The following MYO16 variants were observed in gnomAD, a reference collection of about 807,000 sequenced individuals.
MYO16 encodes the protein myosin XVI, also known as unconventional myosin-XVI.
Under a neutral mutation model 205.3 loss-of-function variants are expected in MYO16, and 94 were observed. The ratio of observed to expected loss-of-function variants is 0.46; its 90% CI spans 0.39 to 0.54. MYO16 has a LOEUF of 0.54. MYO16 is among the 20% of genes least tolerant of loss of function. The pLI is 0.00. For missense variants in MYO16, 2,315 were observed against 2,387.5 expected, an observed-to-expected ratio of 0.97 and a Z score of 0.63; for synonymous variants, 988 against 954.0, an observed-to-expected ratio of 1.04 and a Z score of -0.66.
chr13:108,835,162 T>C (rs1479280419), intron 9 of MYO16, among the ~76,000 whole-genome samples: 1 of 152,200 alleles, frequency 6.6e-6, no homozygotes, highest in African/African-American at 2.4e-5. Context: ...TCTTGAATTA[T>C]AGTTCCCATA....
At chr13:108,911,477 G>A (rs932545683) in intron 16 of MYO16, among the ~76,000 whole-genome samples, 1 of 152,158 alleles carries the variant, frequency 6.6e-6, no homozygotes, top group Non-Finnish European at 1.5e-5. Context: ...AAGGGAGATG[G>A]AAGTGTACAA....
chr13:108,629,818 A>G lies in MYO16; in HGVS notation c.-27A>G, dbSNP rs572842394. 218 of 1,525,954 alleles carry G rather than the reference A, an allele frequency of 1.4e-4. No individual in the cohort carries two copies. Among genetic ancestry groups the G allele is most frequent in the Non-Finnish European group, 1.8e-4 (207 of 1,138,864 alleles). The allele number at this position is 1,525,954 out of a possible 1,614,324, so 94.5% of individuals were successfully genotyped here. A position where few individuals can be genotyped will look rare whatever the true frequency, so the allele number is the denominator to read the frequency against. ...GACAGAAGAGAATGCTGGAACCCGT[A>G]GCAAGATTCCTGTCTGAGATGGAAA... On this transcript the variant is annotated 5_prime_UTR_variant, in exon 1 of 35. Transcript: ENST00000457511.
intron 16 of MYO16, among the ~76,000 whole-genome samples, chr13:108,924,919 A>T (rs1009821305): frequency 6.6e-6 from 1 of 152,194 alleles, no homozygotes; most frequent in Non-Finnish European, 1.5e-5. Context: ...TGAATGTGTC[A>T]TCTCTTCTTA....
At chr13:108,627,284 A>C (rs539951681), upstream of MYO16, among the ~76,000 whole-genome samples, 23 of 152,296 alleles carry the variant, frequency 1.5e-4, no homozygotes, top group African/African-American at 5.5e-4. Flanking sequence ...GGGCTTCTTA[A>C]TCTGGGGAAA....
At chr13:108,847,764 A>T (rs1021239131) in intron 10 of MYO16, among the ~76,000 whole-genome samples, 1 of 152,020 alleles carries the variant, frequency 6.6e-6, no homozygotes, top group African/African-American at 2.4e-5. Flanking sequence ...TCTTAAATTG[A>T]TTATAATGTG....
At chr13:108,544,504 A>T in the MYO16 span, among the ~76,000 whole-genome samples, 2 of 152,202 alleles carry the variant, frequency 1.3e-5, no homozygotes, top group African/African-American at 4.8e-5. Context: ...CATCCCTTCA[A>T]GCATTTGTCC....
At chr13:108,594,120 T>G (rs1307529898), upstream of MYO16, among the ~76,000 whole-genome samples, 1 of 152,224 alleles carries the variant, frequency 6.6e-6, no homozygotes, top group East Asian at 1.9e-4. Context: ...GTGATGCTGC[T>G]TCTTGACCAA....
chr13:109,031,239 C>G (rs1886539479), intron 23 of MYO16, among the ~76,000 whole-genome samples: 1 of 151,990 alleles, frequency 6.6e-6, no homozygotes, highest in South Asian at 2.1e-4. Flanking sequence ...CCACAGGCGC[C>G]CACCACCACA....
chr13:108,981,594 G>T (rs955653292), intron 20 of MYO16, among the ~76,000 whole-genome samples: 1 of 152,244 alleles, frequency 6.6e-6, no homozygotes, highest in African/African-American at 2.4e-5. Flanking sequence ...AGGCTGGCCT[G>T]CTGGAAGATG....
At chr13:109,007,893 G>T (rs1177351659) in intron 21 of MYO16, among the ~76,000 whole-genome samples, 1 of 152,142 alleles carries the variant, frequency 6.6e-6, no homozygotes, top group Admixed American at 6.5e-5. Flanking sequence ...TCACTAATAC[G>T]CAATCAGAAA....
In MYO16 at chr13:108,969,846, A is replaced by G. The variant is rs140750753; in HGVS notation, c.2369+4944A>G. Among the ~76,000 whole-genome samples the G allele has an allele frequency of 1.1e-3, 167 of 152,312 alleles. 1 individual carries two copies. The highest frequency in any genetic ancestry group is 3.0e-3 in the Admixed American group (46 of 15,304). On this transcript the variant is annotated intron_variant, in intron 20 of 34. Coordinates refer to ENST00000457511, the MANE Select transcript of MYO16 (RefSeq NM_001198950.3). ...ACCCAGGGTTTCACCACTGTGATTT[A>G]GAGCATCATCTTAAGAACACACCTT...
intron 6 of MYO16, among the ~76,000 whole-genome samples, chr13:108,802,900 G>A (rs555727634): frequency 1.3e-5 from 2 of 152,164 alleles, no homozygotes; most frequent in African/African-American, 4.8e-5. Flanking sequence ...AAGTCCTTTG[G>A]CCATTTTTAA....
chr13:108,946,871 A>G (rs1882960900), intron 16 of MYO16, among the ~76,000 whole-genome samples: 1 of 152,132 alleles, frequency 6.6e-6, no homozygotes, highest in Admixed American at 6.5e-5. Flanking sequence ...CCTCCCAAAT[A>G]GCAGGGACTA....
At chr13:108,543,265 T>C in the MYO16 span, among the ~76,000 whole-genome samples, 277 of 152,350 alleles carry the variant, frequency 1.8e-3, 2 homozygotes, top group Admixed American at 1.8e-3. Context: ...TTACTATGAT[T>C]GTAAAATGCA....
chr13:109,149,024 A>AT (rs1566533794), intron 32 of MYO16, among the ~76,000 whole-genome samples: 2 of 152,310 alleles, frequency 1.3e-5, no homozygotes, highest in East Asian at 3.9e-4. Context: ...CTTGCATGGA[A>AT]TCAGAGCCTG....
At chr13:108,545,692 A>T in the MYO16 span, among the ~76,000 whole-genome samples, 7 of 152,186 alleles carry the variant, frequency 4.6e-5, no homozygotes, top group African/African-American at 1.7e-4. Context: ...AATAATAACC[A>T]TTCCGGCTGG....
chr13:109,106,424 C>T (rs1279466674), intron 28 of MYO16, among the ~76,000 whole-genome samples: 1 of 152,158 alleles, frequency 6.6e-6, no homozygotes, highest in African/African-American at 2.4e-5. Context: ...TTCTCCAAGC[C>T]ACAGAAGAGT....
chr13:109,080,695 T>A (rs1375778266), intron 27 of MYO16, among the ~76,000 whole-genome samples: 1 of 152,136 alleles, frequency 6.6e-6, no homozygotes, highest in Admixed American at 6.6e-5. Flanking sequence ...ACCAGTGCTT[T>A]AACCCGGAGA....
the MYO16 span, among the ~76,000 whole-genome samples, chr13:108,528,575 TCC>T: frequency 9.7e-6 from 1 of 103,152 alleles, no homozygotes; most frequent in Non-Finnish European, 1.9e-5. Context: ...TCCTCTCCCC[TCC>T]CCTCCCCTTT....
Sources: gnomAD v4.1 joint callset for allele counts (sites outside exome capture counted in the v4.1 genomes callset) on GRCh38, gnomAD v4.1.1 for gene constraint, MANE v1.5 for transcripts, NCBI Gene and HGNC (gene_info 2026-07-23, HGNC 2026-07-21) for gene names.